USP30: variants seen among roughly 807,000 people sequenced by gnomAD.
USP30 encodes the protein ubiquitin carboxyl-terminal hydrolase 30.
In USP30, 41 loss-of-function variants were observed where a neutral mutation model predicts 68.2. The ratio of observed to expected loss-of-function variants is 0.60; its 90% CI spans 0.47 to 0.78. The LOEUF (loss-of-function observed/expected upper bound fraction) is 0.78. Ranked by LOEUF, USP30 falls within the 30% of genes least tolerant of loss-of-function variation. USP30 has a pLI of 0.00. For synonymous variants in USP30, 229 were observed against 253.7 expected (o/e 0.90, Z 0.93); for missense variants, 522 against 649.4 (o/e 0.80, Z 2.13).
intron 3 of USP30, among the ~76,000 whole-genome samples, chr12:109,059,411 G>T (rs1052877836): frequency 3.3e-5 from 5 of 152,196 alleles, no homozygotes; most frequent in African/African-American, 1.2e-4. Flanking sequence ...GGCCAGGCTA[G>T]TCTCAAACTC....
At chr12:109,085,643 CT>C in intron 12 of USP30, 23 bp from the exon 13 acceptor site, 5 of 1,610,392 alleles carry the variant, frequency 3.1e-6, no homozygotes, top group Non-Finnish European at 4.2e-6. Flanking sequence ...TTGTAAACCC[CT>C]GACATGTGTT....
At chr12:109,053,989 T>C in intron 1 of USP30, 1 of 455,954 alleles carries the variant, frequency 2.2e-6, no homozygotes, top group Non-Finnish European at 4.4e-6. Flanking sequence ...TCTTCTGCTA[T>C]AAAAATGAAA....
Position 109,058,076 on chromosome 12 carries a change from A to G in USP30, c.344A>G (p.Tyr115Cys), listed in dbSNP as rs1437513250. 1 of 1,613,678 alleles carries G rather than the reference A, an allele frequency of 6.2e-7. No individual in the cohort carries two copies. Among genetic ancestry groups the G allele is most frequent in the Non-Finnish European group, 8.5e-7 (1 of 1,179,866 alleles). The change falls in exon 3 of 13, where the codon TAT (tyrosine) becomes TGT (cysteine). Residue 115 changes from tyrosine (Y) to cysteine (C), a missense_variant. Physicochemically the swap from Tyr to Cys is radical, Grantham distance 194 (BLOSUM62 -2). Coordinates refer to ENST00000257548, the MANE Select transcript of USP30 (RefSeq NM_032663.5). ...CAGAAGGAGCCCCCCTCACACCAGT[A>G]TTTATCCTTAACACTCTTGCACCTT... ...RDQKEPPSHQ[Y>C]LSLTLLHLLK...
At chr12:109,079,389 G>T (rs1469783152) in intron 7 of USP30, among the ~76,000 whole-genome samples, 3 of 88,070 alleles carry the variant, frequency 3.4e-5, no homozygotes, top group Non-Finnish European at 6.5e-5. Context: ...TGTGACAGGG[G>T]TCTTAGCTCT....
chr12:109,062,389 C>T (rs1000830792), intron 3 of USP30, among the ~76,000 whole-genome samples: 3 of 131,748 alleles, frequency 2.3e-5, no homozygotes, highest in South Asian at 4.8e-4. Context: ...GGCTGGAGTG[C>T]GGTGGCATGA....
intron 3 of USP30, among the ~76,000 whole-genome samples, chr12:109,046,092 C>CT (rs34629352): frequency 0.051 from 2,387 of 46,790 alleles, 219 homozygotes; most frequent in Non-Finnish European, 0.074. Flanking sequence ...GGAAGTCAGT[C>CT]TTTTTTTTTT....
intron 5 of USP30, 67 bp from the exon 6 acceptor site, chr12:109,072,238 G>A (rs1355801893): frequency 2.9e-6 from 4 of 1,372,788 alleles, no homozygotes; most frequent in South Asian, 1.2e-5. Flanking sequence ...GTTTAGGGGT[G>A]GGGTGAGGGT....
At chr12:109,038,829 T>C (rs1169062663) in intron 3 of USP30, among the ~76,000 whole-genome samples, 2 of 152,216 alleles carry the variant, frequency 1.3e-5, no homozygotes, top group Non-Finnish European at 2.9e-5. Flanking sequence ...TGGTATTATA[T>C]AATGGTGTTA....
intron 1 of USP30, among the ~76,000 whole-genome samples, chr12:109,055,740 T>C (rs1341794215): frequency 6.7e-6 from 1 of 148,672 alleles, no homozygotes; most frequent in Non-Finnish European, 1.5e-5. Context: ...AAGTATGATC[T>C]AGACACTTGA....
intron 3 of USP30, among the ~76,000 whole-genome samples, chr12:109,031,902 G>A (rs181724062): frequency 2.0e-4 from 30 of 152,020 alleles, no homozygotes; most frequent in African/African-American, 6.8e-4. Flanking sequence ...TCAGGAGTTC[G>A]AGACCAGCCC....
At chr12:109,052,893 T>C in intron 1 of USP30, 132 bp downstream of exon 1, 1 of 974,618 alleles carries the variant, frequency 1.0e-6, no homozygotes, top group Non-Finnish European at 1.4e-6. Context: ...TTCTGCGTCC[T>C]TTAGGGTTGG....
chr12:109,041,180 C>G (rs919152106), intron 3 of USP30, among the ~76,000 whole-genome samples: 3 of 152,192 alleles, frequency 2.0e-5, no homozygotes, highest in Non-Finnish European at 4.4e-5. Context: ...AAGCAATGTG[C>G]TGAAGACTTA....
intron 3 of USP30, among the ~76,000 whole-genome samples, chr12:109,038,663 A>C (rs2040539948): frequency 6.6e-6 from 1 of 152,158 alleles, no homozygotes; most frequent in African/African-American, 2.4e-5. Context: ...TCATTATGGT[A>C]AGTTTATGTT....
At chr12:109,041,724 C>G (rs1013478250) in intron 3 of USP30, among the ~76,000 whole-genome samples, 3 of 151,914 alleles carry the variant, frequency 2.0e-5, no homozygotes, top group Non-Finnish European at 4.4e-5. Flanking sequence ...TATTCCATGG[C>G]AAATTATTTT....
intron 8 of USP30, 102 bp from the exon 9 acceptor site, chr12:109,081,831 C>A: frequency 1.7e-6 from 2 of 1,173,620 alleles, no homozygotes; most frequent in Non-Finnish European, 1.3e-6. Context: ...TTATTGCCTG[C>A]ATACATCAAA....
intron 3 of USP30, among the ~76,000 whole-genome samples, chr12:109,030,325 AGATGATG>A (rs1400767224): frequency 1.3e-5 from 2 of 152,232 alleles, no homozygotes; most frequent in African/African-American, 4.8e-5. Flanking sequence ...GGATTAAACA[AGATGATG>A]GATATTCATG....
In USP30 at chr12:109,083,008, A is replaced by C; in HGVS notation, c.1114A>C (p.Lys372Gln). The C allele has an allele frequency of 6.2e-7, 1 of 1,614,144 alleles. No homozygotes were observed. The highest frequency in any genetic ancestry group is 8.5e-7 in the Non-Finnish European group (1 of 1,179,978). ...KPSQHNPKLN[K>Q]NPGPTLELQD... ...TAGTCAACACAACCCTAAACTGAAC[A>C]AGAACCCAGGGCCTACACTGGAGCT... Residue 372 changes from lysine (K) to glutamine (Q), a missense_variant, in exon 11 of 13, where the codon AAG (lysine) becomes CAG (glutamine). By Grantham distance (53) the Lys-to-Gln change is moderately conservative (BLOSUM62 1). Coordinates refer to ENST00000257548, the MANE Select transcript of USP30 (RefSeq NM_032663.5).
chr12:109,072,235 G>A, intron 5 of USP30, 70 bp from the exon 6 acceptor site: 2 of 1,349,934 alleles, frequency 1.5e-6, no homozygotes, highest in Non-Finnish European at 2.1e-6. Flanking sequence ...AAGGTTTAGG[G>A]GTGGGGTGAG....
At chr12:109,062,319 C>T (rs1194924209) in intron 3 of USP30, among the ~76,000 whole-genome samples, 1 of 150,958 alleles carries the variant, frequency 6.6e-6, no homozygotes, top group Non-Finnish European at 1.5e-5. Flanking sequence ...TGTAGCTCTA[C>T]CTCCTTCACT....
Sources: gnomAD v4.1 joint callset for allele counts (sites outside exome capture counted in the v4.1 genomes callset) on GRCh38, gnomAD v4.1.1 for gene constraint, MANE v1.5 for transcripts, NCBI Gene and HGNC (gene_info 2026-07-23, HGNC 2026-07-21) for gene names.